ALG9: variants seen among roughly 807,000 people sequenced by gnomAD.
ALG9 encodes the protein ALG9 alpha-1,2-mannosyltransferase, also known as alpha-1,2-mannosyltransferase ALG9.
A neutral mutation model predicts 81.8 loss-of-function variants in ALG9; 55 were observed. The ratio of observed to expected loss-of-function variants is 0.67; its 90% confidence interval spans 0.54 to 0.84. The LOEUF (loss-of-function observed/expected upper bound fraction) is 0.84, where lower values mean the gene tolerates loss of function less well. Ranked by LOEUF, ALG9 falls within the 40% of genes least tolerant of loss-of-function variation. The pLI is 0.00. For synonymous variants in ALG9, 278 were observed against 274.3 expected, an observed-to-expected ratio of 1.01 and a Z score of -0.13; for missense variants, 629 against 745.0, an observed-to-expected ratio of 0.84 and a Z score of 1.81.
chr11:111,809,924 A>G, intron 13 of ALG9, 151 bp from the exon 14 acceptor site: 1 of 882,534 alleles, frequency 1.1e-6, no homozygotes. Flanking sequence ...CTCCACTCAG[A>G]TAAGAGTATT....
At chr11:111,840,602 T>G (rs1956069930) in intron 10 of ALG9, 53 bp downstream of exon 10, 2 of 1,606,798 alleles carry the variant, frequency 1.2e-6, no homozygotes, top group Admixed American at 1.7e-5. Flanking sequence ...TTGTGAGCAA[T>G]TATTTAATAA....
chr11:111,868,571 T>C, intron 3 of ALG9, 31 bp downstream of exon 3: 1 of 1,609,772 alleles, frequency 6.2e-7, no homozygotes, highest in Non-Finnish European at 8.5e-7. Flanking sequence ...CTTGATCAAT[T>C]GTGATTGCTT....
intron 14 of ALG9, among the ~76,000 whole-genome samples, chr11:111,794,439 C>T (rs782195226): frequency 9.9e-5 from 15 of 152,064 alleles, no homozygotes; most frequent in Non-Finnish European, 2.1e-4. Flanking sequence ...TGTGCCACCA[C>T]ACCCAGCTAA....
chr11:111,838,725 A>G (rs929511935), intron 10 of ALG9, among the ~76,000 whole-genome samples: 1 of 152,196 alleles, frequency 6.6e-6, no homozygotes, highest in Non-Finnish European at 1.5e-5. Flanking sequence ...AAAGTATTCC[A>G]ATTTGTTTTT....
Position 111,862,613 on chromosome 11 carries a change from T to A in ALG9, c.477-1978A>T, listed in dbSNP as rs531110819. 4.6e-5 allele frequency among the ~76,000 whole-genome samples: 7 copies of A among 151,892 alleles called. No individual in the cohort carries two copies. In the South Asian group the frequency reaches 1.4e-3, roughly 31 times the overall value. On this transcript the variant is annotated intron_variant, in intron 4 of 14. Coordinates refer to ENST00000616540, the MANE Select transcript of ALG9 (RefSeq NM_024740.2). Reference sequence around the variant, plus strand: ...TGTACTGCATTTTGAGTAATTTATTTAAATCAATCTTCCAATTTACTAGTT... The same window carrying A: ...TGTACTGCATTTTGAGTAATTTATTAAAATCAATCTTCCAATTTACTAGTT...
At chr11:111,855,432 G>GA (rs1270540871) in intron 6 of ALG9, among the ~76,000 whole-genome samples, 2 of 152,156 alleles carry the variant, frequency 1.3e-5, no homozygotes, top group Non-Finnish European at 2.9e-5. Context: ...GTCAAGACTA[G>GA]AGAGGAGGAG....
intron 13 of ALG9, among the ~76,000 whole-genome samples, chr11:111,818,251 C>T (rs1247218647): frequency 2.0e-5 from 3 of 152,160 alleles, no homozygotes; most frequent in African/African-American, 7.2e-5. Context: ...CGTCACTTAA[C>T]GAGGGAGACA....
intron 6 of ALG9, among the ~76,000 whole-genome samples, chr11:111,856,903 T>C (rs551876500): frequency 6.6e-6 from 1 of 152,138 alleles, no homozygotes; most frequent in Non-Finnish European, 1.5e-5. Flanking sequence ...GGTCGGGAGT[T>C]CAAGACCAGC....
intron 8 of ALG9, among the ~76,000 whole-genome samples, chr11:111,850,210 G>A (rs572328045): frequency 6.6e-6 from 1 of 151,988 alleles, no homozygotes; most frequent in Non-Finnish European, 1.5e-5. Flanking sequence ...CACCACAACA[G>A]GTCTAACTAA....
At chr11:111,813,623 A>T (rs1267966335) in intron 13 of ALG9, among the ~76,000 whole-genome samples, 1 of 152,236 alleles carries the variant, frequency 6.6e-6, no homozygotes, top group Non-Finnish European at 1.5e-5. Flanking sequence ...TCAAGGATTC[A>T]TATCTAGAAT....
chr11:111,849,195 C>G (rs1467557253), intron 8 of ALG9, among the ~76,000 whole-genome samples: 5 of 152,048 alleles, frequency 3.3e-5, no homozygotes, highest in Admixed American at 6.6e-5. Flanking sequence ...GGATTAAAGG[C>G]ATGCACCACC....
At chr11:111,812,256 T>C (rs1197135822) in intron 13 of ALG9, among the ~76,000 whole-genome samples, 2 of 152,086 alleles carry the variant, frequency 1.3e-5, no homozygotes, top group African/African-American at 4.8e-5. Flanking sequence ...AAGACAAGAA[T>C]AGCCAAGGCA....
At position 111,871,332 on chromosome 11, in the gene ALG9, CT is replaced by C. The variant is rs1232485005; in HGVS notation, c.131+19del. On this transcript the variant is annotated intron_variant, in intron 1 of 14. Transcript: ENST00000616540. Reference sequence around the variant, plus strand: ...ACCGCCCCGCCGGCCGGCCACGCCCCTGCCGCGCCGCACACGTACTCGGTCC... The same window carrying C: ...ACCGCCCCGCCGGCCGGCCACGCCCCGCCGCGCCGCACACGTACTCGGTCC... 6.8e-7 allele frequency: 1 copy of C among 1,463,044 alleles called. No individual in the cohort carries two copies. The highest frequency in any genetic ancestry group is 1.5e-5 in the African/African-American group (1 of 67,840). The allele number at this position is 1,463,044 out of a possible 1,614,324, so 90.6% of individuals were successfully genotyped here. A position where few individuals can be genotyped will look rare whatever the true frequency, so the allele number is the denominator to read the frequency against.
At chr11:111,787,340 G>C (rs1178622009) in intron 14 of ALG9, among the ~76,000 whole-genome samples, 1 of 151,998 alleles carries the variant, frequency 6.6e-6, no homozygotes, top group Non-Finnish European at 1.5e-5. Context: ...GGCTGAGACA[G>C]GAGAATTGCT....
intron 4 of ALG9, among the ~76,000 whole-genome samples, chr11:111,863,457 C>T (rs958775333): frequency 5.3e-5 from 8 of 152,112 alleles, no homozygotes; most frequent in Non-Finnish European, 1.0e-4. Flanking sequence ...GACCAATTTA[C>T]GGAATTTACG....
intron 9 of ALG9, 36 bp from the exon 10 acceptor site, chr11:111,840,845 A>G: frequency 6.2e-7 from 1 of 1,611,718 alleles, no homozygotes; most frequent in Non-Finnish European, 8.5e-7. Flanking sequence ...CTTTCATTAT[A>G]TTAGAACAAA....
chr11:111,790,932 T>C (rs1331737137), intron 14 of ALG9, among the ~76,000 whole-genome samples: 2 of 152,216 alleles, frequency 1.3e-5, no homozygotes, highest in African/African-American at 4.8e-5. Context: ...GCAGTCTCTA[T>C]GATAGAGCAG....
chr11:111,781,686 T>C (rs1945947187), downstream of ALG9, among the ~76,000 whole-genome samples: 1 of 152,188 alleles, frequency 6.6e-6, no homozygotes, highest in Non-Finnish European at 1.5e-5. Flanking sequence ...TCACTCTTGT[T>C]GCCCAGGCTG....
At chr11:111,792,664 C>G (rs1555071515) in intron 14 of ALG9, among the ~76,000 whole-genome samples, 2 of 152,174 alleles carry the variant, frequency 1.3e-5, no homozygotes, top group Admixed American at 1.3e-4. Context: ...AATTCAGCAT[C>G]AAATTCTAAA....
Sources: gnomAD v4.1 joint callset for allele counts (sites outside exome capture counted in the v4.1 genomes callset) on GRCh38, gnomAD v4.1.1 for gene constraint, MANE v1.5 for transcripts, NCBI Gene and HGNC (gene_info 2026-07-23, HGNC 2026-07-21) for gene names.